Variants in DLC1 observed in about 807,000 individuals in gnomAD.
DLC1 encodes DLC1 Rho GTPase activating protein, also known as rho GTPase-activating protein 7.
DLC1 carries 54 observed loss-of-function variants against 140.3 expected under a neutral mutation model. The ratio of observed to expected loss-of-function variants is 0.38; its 90% confidence interval spans 0.31 to 0.48. The LOEUF is 0.48. Among genes scored for constraint, DLC1 ranks in the 20% least tolerant of loss-of-function variants. DLC1 has a pLI of 0.96. For synonymous variants in DLC1, 986 were observed against 728.1 expected (o/e 1.35, Z -5.70); for missense variants, 2,536 against 1,907.0 (o/e 1.33, Z -6.14).
intron 5 of DLC1, among the ~76,000 whole-genome samples, chr8:13,118,933 A>G (rs934863131): frequency 1.3e-5 from 2 of 152,126 alleles, no homozygotes; most frequent in African/African-American, 4.8e-5. Flanking sequence ...TCCACGTGTA[A>G]AGAATGAGGT....
intron 3 of DLC1, among the ~76,000 whole-genome samples, chr8:13,396,405 A>C (rs1837047312): frequency 6.6e-6 from 1 of 152,142 alleles, no homozygotes; most frequent in Admixed American, 6.5e-5. Flanking sequence ...ATAACAGAGT[A>C]ATCTTGTATC....
Position 13,102,717 on chromosome 8 carries a change from T to C in DLC1, c.1566+73A>G, listed in dbSNP as rs565505693. On this transcript the variant is annotated intron_variant, in intron 8 of 17. Coordinates refer to ENST00000276297, the MANE Select transcript of DLC1 (RefSeq NM_182643.3). ...CTAAGAGTTGGAGAAACAAAACCTA[T>C]TACAAAACACATCATTCACTTTTTT... is the stretch of plus-strand genomic sequence containing the variant. 141 of 1,343,790 alleles carry C rather than the reference T, an allele frequency of 1.0e-4. 1 individual carries two copies. The African/African-American group carries it at 1.8e-3, about 17-fold the overall frequency. 83.2% of individuals were successfully genotyped at this position (1,343,790 alleles called of 1,614,324 possible).
chr8:13,489,815 T>C (rs1801156406), intron 2 of DLC1, among the ~76,000 whole-genome samples: 1 of 152,210 alleles, frequency 6.6e-6, no homozygotes, highest in Non-Finnish European at 1.5e-5. Flanking sequence ...ATGCTGTGAA[T>C]ATAGATTCTA....
intron 5 of DLC1, among the ~76,000 whole-genome samples, chr8:13,209,787 T>C (rs1291025054): frequency 2.0e-5 from 3 of 152,152 alleles, no homozygotes; most frequent in Non-Finnish European, 2.9e-5. Context: ...CCCTTCACCT[T>C]CTGCCATGAT....
chr8:13,431,121 C>G (rs1838842504), intron 2 of DLC1, among the ~76,000 whole-genome samples: 1 of 151,786 alleles, frequency 6.6e-6, no homozygotes, highest in East Asian at 1.9e-4. Context: ...GTAGCTTAAG[C>G]AAAAAAGAAA....
intron 5 of DLC1, among the ~76,000 whole-genome samples, chr8:13,135,784 A>G (rs1331420755): frequency 1.3e-5 from 2 of 152,190 alleles, no homozygotes; most frequent in African/African-American, 4.8e-5. Flanking sequence ...CCAGAGTAAA[A>G]CAGGCAAAAC....
Position 13,100,546 on chromosome 8 carries a change from G to A in DLC1, c.1791C>T (p.Leu597=), listed in dbSNP as rs1818976384. The change falls in exon 9 of 18, where the codon CTC becomes CTT. Residue 597 remains leucine, a synonymous_variant. Transcript: ENST00000276297. ...ERQEVSSVRS[L]SSTGSLPSHA... is the part of the protein sequence containing the mutation. Reference sequence around the variant, plus strand: ...GGCTGGGGAGGCTGCCAGTGCTGCTGAGGCTGCGGACGGAAGACACCTCCT... The same window carrying A: ...GGCTGGGGAGGCTGCCAGTGCTGCTAAGGCTGCGGACGGAAGACACCTCCT... 1 of 1,613,110 alleles carries A rather than the reference G, an allele frequency of 6.2e-7. No individual in the cohort carries two copies. Among genetic ancestry groups the A allele is most frequent in the African/African-American group, 1.3e-5 (1 of 74,940 alleles).
chr8:13,271,756 C>T (rs889171793), intron 5 of DLC1, among the ~76,000 whole-genome samples: 56 of 152,186 alleles, frequency 3.7e-4, no homozygotes, highest in Admixed American at 1.5e-3. Flanking sequence ...ATGATCATAG[C>T]TCACTGTAAC....
In DLC1 at chr8:13,092,709, C is replaced by T. The variant is rs370207065; in HGVS notation, c.3643G>A (p.Val1215Ile). The T allele has an allele frequency of 3.8e-5, 61 of 1,614,162 alleles. No individual in the cohort carries two copies. Among genetic ancestry groups the T allele is most frequent in the Admixed American group, 3.0e-4 (18 of 60,018 alleles). ...GTTGGGGTCATCTGGTTTTCTTTTACGGCTGCTGTGACATCGCTCAGGAAA... is the reference window on the plus strand; with the variant it reads ...GTTGGGGTCATCTGGTTTTCTTTTATGGCTGCTGTGACATCGCTCAGGAAA... ...LYFLSDVTAAVKENQMTPTNL... is the reference protein window; with the variant it reads ...LYFLSDVTAAIKENQMTPTNL... The change falls in exon 13 of 18, where the codon GTA (valine) becomes ATA (isoleucine). Residue 1215 changes from valine to isoleucine, a missense_variant. Physicochemically the swap from Val to Ile is conservative, Grantham distance 29. Transcript: ENST00000276297.
chr8:13,364,164 C>T (rs1258849221), intron 4 of DLC1, among the ~76,000 whole-genome samples: 1 of 152,152 alleles, frequency 6.6e-6, no homozygotes, highest in East Asian at 1.9e-4. Flanking sequence ...GATTTCTTGT[C>T]CAGATTCTTC....
At chr8:13,493,839 C>T (rs1409184404) in intron 2 of DLC1, among the ~76,000 whole-genome samples, 3 of 152,086 alleles carry the variant, frequency 2.0e-5, no homozygotes, top group Non-Finnish European at 4.4e-5. Flanking sequence ...TTACAAGTCT[C>T]CCCCATCAGC....
Position 13,100,101 on chromosome 8 carries a change from G to T in DLC1, c.2236C>A (p.Gln746Lys), listed in dbSNP as rs1563593972. The T allele has an allele frequency of 6.2e-7, 1 of 1,613,458 alleles. No homozygotes were observed. Among genetic ancestry groups the T allele is most frequent in the Non-Finnish European group, 8.5e-7 (1 of 1,179,842 alleles). ...CTGACCGCGCTGCTGGTCTCCGACT[G>T]GCTGCTGCTGCTGCTGGTCTGCGTG... The part of the protein sequence containing the change: ...NSTQTSSSSS[Q>K]SETSSAVSTP... The change falls in exon 9 of 18, where the codon CAG (glutamine) becomes AAG (lysine). Residue 746 changes from glutamine to lysine, a missense_variant. By Grantham distance (53) the Gln-to-Lys change is moderately conservative. Coordinates refer to ENST00000276297, the MANE Select transcript of DLC1 (RefSeq NM_182643.3).
At chr8:13,498,478 G>C (rs909560827) in intron 2 of DLC1, among the ~76,000 whole-genome samples, 15 of 152,160 alleles carry the variant, frequency 9.9e-5, no homozygotes, top group African/African-American at 3.6e-4. Flanking sequence ...AAGAAACAGA[G>C]ACTATGATAT....
chr8:13,432,688 T>G lies in DLC1; in HGVS notation c.1024-31069A>C, dbSNP rs1019372646. Among the ~76,000 whole-genome samples, 4 of 152,164 alleles carry G rather than the reference T, an allele frequency of 2.6e-5. No individual in the cohort carries two copies. The South Asian group carries it at 6.2e-4, about 24-fold the overall frequency. ...GTGAAAAAGCAGGTGAGAAAAAGAC[T>G]CAAATGTTATTCAGTTTTGGCAACT... On this transcript the variant is annotated intron_variant, in intron 2 of 17. Transcript: ENST00000276297.
chr8:13,309,422 C>T (rs981888824), intron 4 of DLC1, among the ~76,000 whole-genome samples: 1 of 152,098 alleles, frequency 6.6e-6, no homozygotes, highest in Admixed American at 6.6e-5. Context: ...TAATAGTTCT[C>T]CACATGTAAA....
At chr8:13,588,377 G>T (rs1461033124) in intron 1 of DLC1, among the ~76,000 whole-genome samples, 3 of 151,984 alleles carry the variant, frequency 2.0e-5, no homozygotes, top group African/African-American at 4.8e-5. Context: ...TTTGAATTTG[G>T]TGTATGACAT....
chr8:13,471,926 T>TC (rs1800227780), intron 2 of DLC1, among the ~76,000 whole-genome samples: 1 of 152,096 alleles, frequency 6.6e-6, no homozygotes, highest in East Asian at 1.9e-4. Flanking sequence ...GCCATGGAGC[T>TC]CTCCCACTCT....
Position 13,104,330 on chromosome 8 carries a change from C to T in DLC1, c.1503-1477G>A, listed in dbSNP as rs117626040. Among the ~76,000 whole-genome samples the T allele has an allele frequency of 4.1e-3, 565 of 137,470 alleles. 9 individuals carry two copies. The highest frequency in any genetic ancestry group is 0.038 in the East Asian group (186 of 4,842). The allele number at this position is 137,470 out of a possible 152,430, so 90.2% of individuals were successfully genotyped here. ...ATTTAAAATTAGGGAAATTTAGTTT[C>T]GTTGAAAATAAAATACTTACAAAAA... On this transcript the variant is annotated intron_variant, in intron 7 of 17. Transcript: ENST00000276297.
intron 5 of DLC1, among the ~76,000 whole-genome samples, chr8:13,288,670 C>A (rs1436847394): frequency 1.3e-5 from 2 of 152,208 alleles, no homozygotes; most frequent in African/African-American, 4.8e-5. Context: ...CCATCAAGGT[C>A]TAGAATAAGG....
Sources: allele counts gnomAD v4.1 joint callset (sites outside exome capture counted in the v4.1 genomes callset), GRCh38; gene constraint gnomAD v4.1.1; transcripts MANE v1.5; gene names NCBI Gene and HGNC (gene_info 2026-07-23, HGNC 2026-07-21).